Variants in BLTP1 observed in about 807,000 individuals in gnomAD.
BLTP1 encodes bridge-like lipid transfer protein family member 1.
chr4:122,225,014 T>C, the BLTP1 span: 192 of 1,006,370 alleles, frequency 1.9e-4, no homozygotes, highest in Non-Finnish European at 2.3e-4. Flanking sequence ...CCTCCATTGT[T>C]GGAAAAATCT....
At chr4:122,240,254 A>G in the BLTP1 span, 1 of 1,613,986 alleles carries the variant, frequency 6.2e-7, no homozygotes, top group Non-Finnish European at 8.5e-7. Context: ...CCAACAAAAG[A>G]ACCTCTAAAT....
the BLTP1 span, among the ~76,000 whole-genome samples, chr4:122,253,206 G>A: frequency 6.6e-6 from 1 of 152,088 alleles, no homozygotes. Flanking sequence ...AGCCCAGAGT[G>A]TGAAGACTAC....
At chr4:122,207,501 T>C in the BLTP1 span, 1 of 1,540,720 alleles carries the variant, frequency 6.5e-7, no homozygotes, top group African/African-American at 1.4e-5. Context: ...TAAAAGTAAA[T>C]TTACTTTTTC....
chr4:122,272,059 G>GT, the BLTP1 span: 44 of 1,400,292 alleles, frequency 3.1e-5, no homozygotes, highest in Non-Finnish European at 4.1e-5. Context: ...AAGAGGACTG[G>GT]TTGGGAATGT....
chr4:122,234,840 G>A, the BLTP1 span: 34 of 1,613,328 alleles, frequency 2.1e-5, no homozygotes, highest in Admixed American at 3.3e-5. Flanking sequence ...TGGTTGTCTC[G>A]GTGGCTGCAG....
At chr4:122,167,791 C>CATG in the BLTP1 span, 1 of 985,420 alleles carries the variant, frequency 1.0e-6, no homozygotes, top group African/African-American at 1.7e-5. Context: ...CTCTCTTCCC[C>CATG]ATGTGCAGAC....
chr4:122,306,256 T>A, the BLTP1 span, among the ~76,000 whole-genome samples: 2 of 152,196 alleles, frequency 1.3e-5, no homozygotes, highest in Non-Finnish European at 2.9e-5. Flanking sequence ...TCTGGCTGGA[T>A]AACATAAGAG....
the BLTP1 span, chr4:122,344,031 G>A: frequency 1.0e-6 from 1 of 967,628 alleles, no homozygotes; most frequent in Non-Finnish European, 1.2e-6. Context: ...AAATTTCATT[G>A]TCACTTTGAA....
At chr4:122,159,154 A>C in the BLTP1 span, among the ~76,000 whole-genome samples, 1 of 152,098 alleles carries the variant, frequency 6.6e-6, no homozygotes, top group Non-Finnish European at 1.5e-5. Flanking sequence ...TATAAGTACA[A>C]TTCTGTTATT....
chr4:122,308,705 TGA>T, the BLTP1 span, among the ~76,000 whole-genome samples: 15 of 152,048 alleles, frequency 9.9e-5, no homozygotes, highest in Non-Finnish European at 2.2e-4. Flanking sequence ...CATGTGTGTA[TGA>T]GAGAGAGAAA....
the BLTP1 span, chr4:122,207,739 C>A: frequency 9.1e-7 from 1 of 1,100,242 alleles, no homozygotes; most frequent in East Asian, 2.6e-5. Flanking sequence ...ATTGCAACTT[C>A]AAAGTATTTT....
the BLTP1 span, chr4:122,230,225 T>C: frequency 1.9e-6 from 3 of 1,607,938 alleles, no homozygotes; most frequent in South Asian, 3.3e-5. Flanking sequence ...GGTGAAAATG[T>C]TAAGAATGGC....
chr4:122,201,560 A>G, the BLTP1 span, among the ~76,000 whole-genome samples: 4 of 152,188 alleles, frequency 2.6e-5, no homozygotes. Context: ...TTCTGTTGGC[A>G]TGGATAATTG....
At chr4:122,210,795 T>C in the BLTP1 span, 3 of 1,497,278 alleles carry the variant, frequency 2.0e-6, no homozygotes, top group South Asian at 2.7e-5. Flanking sequence ...CAAAGTAAAA[T>C]TTCTTAGTGA....
At chr4:122,238,430 C>G in the BLTP1 span, 1 of 1,108,628 alleles carries the variant, frequency 9.0e-7, no homozygotes, top group Non-Finnish European at 1.3e-6. Flanking sequence ...AAAACTTCTT[C>G]CCTCTCCACT....
chr4:122,337,172 A>C, the BLTP1 span: 1 of 655,522 alleles, frequency 1.5e-6, no homozygotes, highest in South Asian at 1.9e-5. Context: ...GGTTGCCAGA[A>C]TATGTGTGAA....
the BLTP1 span, among the ~76,000 whole-genome samples, chr4:122,335,531 A>C: frequency 6.6e-6 from 1 of 152,166 alleles, no homozygotes; most frequent in Non-Finnish European, 1.5e-5. Context: ...TTAAAATAGT[A>C]ATCATGCTGA....
chr4:122,282,641 C>CA, the BLTP1 span, among the ~76,000 whole-genome samples: 7,545 of 149,976 alleles, frequency 0.05, 260 homozygotes, highest in Non-Finnish European at 0.075. Flanking sequence ...GACTTCATCT[C>CA]AAAAAAAAAG....
chr4:122,235,428 C>A, the BLTP1 span: 1 of 969,466 alleles, frequency 1.0e-6, no homozygotes, highest in African/African-American at 1.8e-5. Flanking sequence ...CTGTTGGCCC[C>A]CATGTTACCA....
Sources: allele counts gnomAD v4.1 joint callset (sites outside exome capture counted in the v4.1 genomes callset), GRCh38; gene constraint gnomAD v4.1.1; transcripts MANE v1.5; gene names NCBI Gene and HGNC (gene_info 2026-07-23, HGNC 2026-07-21).